The following CHRNA7 variants were observed in gnomAD, a reference collection of about 807,000 sequenced individuals.
CHRNA7 encodes the protein cholinergic receptor nicotinic alpha 7 subunit, also known as neuronal acetylcholine receptor subunit alpha-7.
In CHRNA7, 17 loss-of-function variants were observed where a neutral mutation model predicts 48.0. The ratio of observed to expected loss-of-function variants is 0.35; its 90% CI spans 0.24 to 0.53. The LOEUF (loss-of-function observed/expected upper bound fraction) is 0.53, where lower values mean the gene tolerates loss of function less well. CHRNA7 is among the 20% of genes least tolerant of loss of function. The probability of loss-of-function intolerance (pLI) is 0.92; values close to 1 mark genes in which losing one functional copy is unlikely to be tolerated. For synonymous variants in CHRNA7, 75 were observed against 242.3 expected, an observed-to-expected ratio of 0.31 and a Z score of 6.41; for missense variants, 155 against 577.7, an observed-to-expected ratio of 0.27 and a Z score of 7.50.
At chr15:32,153,057 C>A (rs540667379) in intron 4 of CHRNA7, among the ~76,000 whole-genome samples, 1 of 152,272 alleles carries the variant, frequency 6.6e-6, no homozygotes, top group Admixed American at 6.5e-5. Flanking sequence ...TCATCGCTAA[C>A]TGTGGAGCTG....
intron 4 of CHRNA7, among the ~76,000 whole-genome samples, chr15:32,151,388 C>G (rs1464667914): frequency 6.6e-6 from 1 of 152,156 alleles, no homozygotes; most frequent in African/African-American, 2.4e-5. Context: ...TCTCATTGTT[C>G]CAAAGCTGAC....
rs980171521 is a variant in CHRNA7, at chr15:32,062,378, A to G, written c.195+31341A>G. 4.6e-5 allele frequency among the ~76,000 whole-genome samples: 7 copies of G among 152,216 alleles called. No homozygotes were observed. In the South Asian group the frequency reaches 8.3e-4, roughly 18 times the overall value. On this transcript the variant is annotated intron_variant, in intron 2 of 9. Transcript: ENST00000306901. ...AACTCATGATTCACAGCTGAGAGCC[A>G]TGCAATAGGCTATATTCCTTTTCCT...
At chr15:32,130,152 C>T (rs2051131032) in intron 4 of CHRNA7, among the ~76,000 whole-genome samples, 1 of 151,938 alleles carries the variant, frequency 6.6e-6, no homozygotes. Flanking sequence ...TCCATGAGTA[C>T]TTGTTGGTAG....
At chr15:32,096,604 T>C (rs568955483) in intron 2 of CHRNA7, among the ~76,000 whole-genome samples, 4 of 152,136 alleles carry the variant, frequency 2.6e-5, no homozygotes, top group East Asian at 3.9e-4. Flanking sequence ...TCTATTGTTA[T>C]GTTTTTGCTT....
intron 4 of CHRNA7, among the ~76,000 whole-genome samples, chr15:32,129,218 T>C (rs889775400): frequency 1.3e-5 from 2 of 151,922 alleles, no homozygotes; most frequent in Non-Finnish European, 2.9e-5. Context: ...AGTTTTTGTT[T>C]TGCATTTTAT....
chr15:32,060,904 AGAG>A (rs1332138299), intron 2 of CHRNA7, among the ~76,000 whole-genome samples: 1 of 152,188 alleles, frequency 6.6e-6, no homozygotes, highest in Non-Finnish European at 1.5e-5. Flanking sequence ...TCAGAGTCCG[AGAG>A]GAGGACAGAG....
At chr15:32,134,411 G>A (rs2141323332) in intron 4 of CHRNA7, among the ~76,000 whole-genome samples, 1 of 152,106 alleles carries the variant, frequency 6.6e-6, no homozygotes, top group African/African-American at 2.4e-5. Context: ...CGCCCTCCTC[G>A]GCCTCCCAAA....
At chr15:32,142,556 T>C (rs540434980) in intron 4 of CHRNA7, among the ~76,000 whole-genome samples, 1 of 152,308 alleles carries the variant, frequency 6.6e-6, no homozygotes, top group East Asian at 1.9e-4. Flanking sequence ...CCTGGACTTT[T>C]TTGGGTTGGT....
chr15:32,152,397 C>T (rs2051648500), intron 4 of CHRNA7, among the ~76,000 whole-genome samples: 1 of 152,080 alleles, frequency 6.6e-6, no homozygotes, highest in South Asian at 2.1e-4. Context: ...GAGCCGAGAT[C>T]GTGCCCCTGC....
chr15:32,123,102 A>C (rs1247845156), intron 4 of CHRNA7, among the ~76,000 whole-genome samples: 4 of 152,204 alleles, frequency 2.6e-5, no homozygotes, highest in African/African-American at 9.6e-5. Flanking sequence ...AGAAAGAGGC[A>C]AACCTGGAAT....
chr15:32,073,769 A>G (rs1169863735), intron 2 of CHRNA7, among the ~76,000 whole-genome samples: 1 of 152,174 alleles, frequency 6.6e-6, no homozygotes, highest in Non-Finnish European at 1.5e-5. Flanking sequence ...CTCTTTTGCC[A>G]TATGACACAC....
intron 2 of CHRNA7, among the ~76,000 whole-genome samples, chr15:32,058,568 T>C (rs1326180640): frequency 6.6e-6 from 1 of 152,128 alleles, no homozygotes; most frequent in East Asian, 1.9e-4. Flanking sequence ...AGTGTTAGAG[T>C]GCTCGAAACT....
At chr15:32,102,946 A>G (rs2050598315) in intron 3 of CHRNA7, 1 of 152,246 alleles carries the variant, frequency 6.6e-6, no homozygotes, top group African/African-American at 2.4e-5. Flanking sequence ...ATTTAAACCC[A>G]CCTGACCTTT....
chr15:32,067,677 A>G (rs2049988428), intron 2 of CHRNA7, among the ~76,000 whole-genome samples: 2 of 152,368 alleles, frequency 1.3e-5, no homozygotes, highest in South Asian at 4.1e-4. Flanking sequence ...ATGCAACTGC[A>G]TAAAGCAATA....
intron 2 of CHRNA7, among the ~76,000 whole-genome samples, chr15:32,039,100 G>A (rs1244345239): frequency 6.6e-6 from 1 of 152,100 alleles, no homozygotes; most frequent in East Asian, 1.9e-4. Context: ...CATGGGCTGT[G>A]TAATGATGTC....
intron 2 of CHRNA7, among the ~76,000 whole-genome samples, chr15:32,077,822 AAG>A (rs1367731687): frequency 6.6e-6 from 1 of 152,200 alleles, no homozygotes; most frequent in African/African-American, 2.4e-5. Flanking sequence ...GAGAGGAAGC[AAG>A]AGAGAAAGAG....
At chr15:32,062,719 T>G (rs1370832836) in intron 2 of CHRNA7, among the ~76,000 whole-genome samples, 2 of 151,624 alleles carry the variant, frequency 1.3e-5, no homozygotes, top group Admixed American at 1.3e-4. Context: ...CTTGCACTTC[T>G]GCCTGGCCAT....
chr15:32,136,406 G>A (rs531739757), intron 4 of CHRNA7, among the ~76,000 whole-genome samples: 40 of 151,092 alleles, frequency 2.6e-4, no homozygotes, highest in Non-Finnish European at 4.7e-4. Flanking sequence ...CAGGAGGATC[G>A]CTTGAACCCA....
At chr15:32,055,426 G>A (rs1018294739) in intron 2 of CHRNA7, among the ~76,000 whole-genome samples, 4 of 152,166 alleles carry the variant, frequency 2.6e-5, no homozygotes, top group African/African-American at 9.7e-5. Context: ...CAAGGTGCCA[G>A]TATCTGGCAT....
Sources: gnomAD v4.1 joint callset for allele counts (sites outside exome capture counted in the v4.1 genomes callset) on GRCh38, gnomAD v4.1.1 for gene constraint, MANE v1.5 for transcripts, NCBI Gene and HGNC (gene_info 2026-07-23, HGNC 2026-07-21) for gene names.